Variants in TMEM123 observed in about 807,000 individuals in gnomAD.
The protein encoded by TMEM123 is porimin.
In TMEM123, 16 loss-of-function variants were observed where a neutral mutation model predicts 19.7. The ratio of observed to expected loss-of-function variants is 0.81; its 90% confidence interval spans 0.55 to 1.23. TMEM123 has a LOEUF of 1.23. Ranked by LOEUF, TMEM123 falls within the 50% of genes most tolerant of loss-of-function variation. The pLI is 0.00. For synonymous variants in TMEM123, 118 were observed against 99.4 expected (o/e 1.19, Z -1.12); for missense variants, 313 against 257.8 (o/e 1.21, Z -1.47).
At chr11:102,426,947 T>C (rs1952133521) in intron 2 of TMEM123, among the ~76,000 whole-genome samples, 1 of 146,224 alleles carries the variant, frequency 6.8e-6, no homozygotes, top group South Asian at 2.2e-4. Flanking sequence ...ATATCAGTTA[T>C]TTGAAGTTCT....
chr11:102,427,058 G>T (rs959853235), intron 2 of TMEM123, among the ~76,000 whole-genome samples: 1 of 147,358 alleles, frequency 6.8e-6, no homozygotes, highest in Admixed American at 6.8e-5. Flanking sequence ...AGGGTTTTTT[G>T]TTTTGCGGGT....
intron 2 of TMEM123, among the ~76,000 whole-genome samples, chr11:102,419,172 CAA>C (rs1209994633): frequency 1.3e-5 from 2 of 152,102 alleles, no homozygotes; most frequent in African/African-American, 2.4e-5. Context: ...AAAAGAAAAA[CAA>C]AAAGTGCATG....
At chr11:102,414,235 C>CTG (rs1952026667) in intron 2 of TMEM123, among the ~76,000 whole-genome samples, 1 of 152,148 alleles carries the variant, frequency 6.6e-6, no homozygotes. Flanking sequence ...ACTGGCATCC[C>CTG]TGAAAGAGAG....
At chr11:102,448,146 G>T (rs1857902816) in intron 2 of TMEM123, 3 of 442,836 alleles carry the variant, frequency 6.8e-6, no homozygotes, top group Non-Finnish European at 1.4e-5. Context: ...TGATAGGATT[G>T]GTGTACCTTT....
chr11:102,423,316 C>T (rs530637533), intron 2 of TMEM123, among the ~76,000 whole-genome samples: 1 of 152,322 alleles, frequency 6.6e-6, no homozygotes, highest in African/African-American at 2.4e-5. Flanking sequence ...AGACTCTCTT[C>T]TGAGAACAGG....
chr11:102,405,886 A>G (rs1452916965), intron 2 of TMEM123, among the ~76,000 whole-genome samples: 1 of 152,244 alleles, frequency 6.6e-6, no homozygotes, highest in East Asian at 1.9e-4. Context: ...GCAAAAGGAA[A>G]TTTTGCATTA....
At chr11:102,443,142 A>G (rs973339371) in intron 2 of TMEM123, among the ~76,000 whole-genome samples, 3 of 152,236 alleles carry the variant, frequency 2.0e-5, no homozygotes, top group African/African-American at 7.2e-5. Context: ...CATAGATTCA[A>G]TGCCATCCCC....
intron 2 of TMEM123, among the ~76,000 whole-genome samples, chr11:102,407,385 A>G (rs1191572149): frequency 6.6e-6 from 1 of 152,196 alleles, no homozygotes; most frequent in Non-Finnish European, 1.5e-5. Context: ...CAGCTAGTGC[A>G]GTTGGGAGGG....
rs1232188896 is a variant in TMEM123, at chr11:102,452,555, C to G, written c.69G>C (p.Leu23=). The change falls in exon 1 of 5, where the codon CTG becomes CTC. Residue 23 remains leucine, a synonymous_variant. Transcript: ENST00000398136. ...LLGTLQVLAL[L]GAAHESAAMA... ...TGGCTGCGCTTTCATGGGCGGCCCC[C>G]AGCAGCGCTAGCACCTGCAGCGTCC... The G allele has an allele frequency of 2.5e-6, 4 of 1,570,238 alleles. No individual in the cohort carries two copies. The Admixed American group carries it at 7.0e-5, about 27-fold the overall frequency.
chr11:102,401,015 A>T (rs1025040910), intron 4 of TMEM123, among the ~76,000 whole-genome samples: 1 of 152,246 alleles, frequency 6.6e-6, no homozygotes, highest in Non-Finnish European at 1.5e-5. Flanking sequence ...TCTTGTTGAT[A>T]ATGCACATCT....
chr11:102,427,823 G>C (rs964160453), intron 2 of TMEM123, among the ~76,000 whole-genome samples: 3 of 150,382 alleles, frequency 2.0e-5, no homozygotes, highest in Non-Finnish European at 3.0e-5. Flanking sequence ...GGGCAACAGA[G>C]CAAGACTCTG....
chr11:102,400,057 C>T (rs183364393), intron 4 of TMEM123, among the ~76,000 whole-genome samples: 3 of 152,014 alleles, frequency 2.0e-5, no homozygotes, highest in Admixed American at 6.6e-5. Context: ...ATTTATGATG[C>T]GATGTTTATT....
chr11:102,413,207 G>A (rs1220021351), intron 2 of TMEM123, among the ~76,000 whole-genome samples: 1 of 152,170 alleles, frequency 6.6e-6, no homozygotes, highest in Non-Finnish European at 1.5e-5. Flanking sequence ...AACTTTTGAA[G>A]GCTGTATTCC....
chr11:102,447,987 A>T (rs2135867322), intron 2 of TMEM123, among the ~76,000 whole-genome samples: 1 of 152,352 alleles, frequency 6.6e-6, no homozygotes, highest in East Asian at 1.9e-4. Flanking sequence ...ATTTTATGTC[A>T]TGTATATTTT....
At chr11:102,417,265 G>T (rs750239609) in intron 2 of TMEM123, among the ~76,000 whole-genome samples, 4 of 152,194 alleles carry the variant, frequency 2.6e-5, no homozygotes, top group African/African-American at 9.6e-5. Flanking sequence ...TCTGCCCAAG[G>T]GCTCCTAGAT....
rs180893613 is a variant in TMEM123 at position 102,435,161 on chromosome 11, A to C, written c.157+13651T>G. ...TTGAGACCAGCTTGGGCGACAAAGC[A>C]AGATTCCATCTCTATAAAAATAAAT... On this transcript the variant is annotated intron_variant, in intron 2 of 4. Coordinates refer to ENST00000398136, the MANE Select transcript of TMEM123 (RefSeq NM_052932.3). Among the ~76,000 whole-genome samples the C allele has an allele frequency of 1.8e-3, 273 of 152,106 alleles. 4 individuals are homozygous for C. Among genetic ancestry groups the C allele is most frequent in the Non-Finnish European group, 2.8e-3 (188 of 67,908 alleles).
At chr11:102,404,346 T>C (rs1299313726) in intron 2 of TMEM123, among the ~76,000 whole-genome samples, 1 of 152,112 alleles carries the variant, frequency 6.6e-6, no homozygotes, top group African/African-American at 2.4e-5. Context: ...TGCAGTGGCA[T>C]GATCTCGGCT....
intron 2 of TMEM123, among the ~76,000 whole-genome samples, chr11:102,407,008 A>G (rs1951961863): frequency 1.3e-5 from 2 of 152,120 alleles, no homozygotes. Flanking sequence ...GGGGAGGCTT[A>G]GCAGGAGGAT....
chr11:102,431,508 T>G (rs1857709323), intron 2 of TMEM123, among the ~76,000 whole-genome samples: 1 of 152,220 alleles, frequency 6.6e-6, no homozygotes, highest in Admixed American at 6.5e-5. Context: ...TCCTCTTCTC[T>G]GAGGCTCTGT....
Sources: gnomAD v4.1 joint callset for allele counts (sites outside exome capture counted in the v4.1 genomes callset) on GRCh38, gnomAD v4.1.1 for gene constraint, MANE v1.5 for transcripts, NCBI Gene and HGNC (gene_info 2026-07-23, HGNC 2026-07-21) for gene names.